The following ABLIM2 variants were observed in gnomAD, a reference collection of about 807,000 sequenced individuals.
ABLIM2 encodes actin-binding LIM protein 2.
Under a neutral mutation model 97.7 loss-of-function variants are expected in ABLIM2, and 53 were observed. The observed-to-expected ratio is 0.54, with a 90% CI of 0.44 to 0.68. The LOEUF is 0.68. ABLIM2 is among the 30% of genes least tolerant of loss of function. The probability of loss-of-function intolerance (pLI) is 0.00; values close to 1 mark genes in which losing one functional copy is unlikely to be tolerated. For synonymous variants in ABLIM2, 361 were observed against 345.8 expected (o/e 1.04, Z -0.49); for missense variants, 835 against 867.2 (o/e 0.96, Z 0.47).
rs1272812852 is a variant in ABLIM2 at position 8,054,979 on chromosome 4, TG to T, written c.764-734del. Among the ~76,000 whole-genome samples the T allele has an allele frequency of 1.3e-5, 2 of 151,788 alleles. No individual in the cohort carries two copies. Among genetic ancestry groups the T allele is most frequent in the Admixed American group, 1.3e-4 (2 of 15,254 alleles). The stretch of plus-strand genomic sequence containing the variant: ...CATAACAAGGCCACCCGGCACCAAG[TG>T]CCCCCAGCATCCCTGGCACTCTGGT... On this transcript the variant is annotated intron_variant, in intron 7 of 20. Coordinates refer to ENST00000447017, the MANE Select transcript of ABLIM2 (RefSeq NM_001130083.2). The surrounding 1 kb of genome is among the most constrained non-coding windows in gnomAD (Gnocchi z 4.9).
rs370446201 is a variant in ABLIM2 at position 8,032,747 on chromosome 4, C to T, written c.1048-2971G>A. On this transcript the variant is annotated intron_variant, in intron 10 of 20. Transcript: ENST00000447017. This position sits in a 1 kb window ranked among gnomAD's most constrained non-coding sequence, Gnocchi z 4.3. ...AGGCAGAGAGGGAGGAGGGCAGTTC[C>T]GTGACTGGCAGGCAACACAGGCGCA... 332 of 1,573,518 alleles carry T rather than the reference C, an allele frequency of 2.1e-4. No individual in the cohort carries two copies. In the African/African-American group the frequency reaches 2.1e-3, roughly 10 times the overall value.
intron 17 of ABLIM2, among the ~76,000 whole-genome samples, chr4:7,985,201 G>T (rs1484898447): frequency 6.6e-6 from 1 of 152,196 alleles, no homozygotes; most frequent in South Asian, 2.1e-4. Flanking sequence ...CTGCTCCCAG[G>T]TGCCTGAGTT....
chr4:8,150,303 T>A lies in ABLIM2; in HGVS notation c.10+8377A>T, dbSNP rs538244345. On this transcript the variant is annotated intron_variant, in intron 1 of 20. Transcript: ENST00000447017. This position sits in a 1 kb window ranked among gnomAD's most constrained non-coding sequence, Gnocchi z 6.3. ...GTCTTATGGAATGACGGCAGACAGA[T>A]GAGGAGGCCATGCTGAACTGGGGAC... Among the ~76,000 whole-genome samples, 1 of 152,292 alleles carries A rather than the reference T, an allele frequency of 6.6e-6. No individual in the cohort carries two copies. The highest frequency in any genetic ancestry group is 1.9e-4 in the East Asian group (1 of 5,178).
At chr4:8,007,302 G>C in intron 16 of ABLIM2, 1 of 985,288 alleles carries the variant, frequency 1.0e-6, no homozygotes, top group Non-Finnish European at 1.2e-6. Context: ...TTGAACTTGG[G>C]ACTGCCTCAC....
At position 7,982,421 on chromosome 4, in the gene ABLIM2, C is replaced by T. The variant is rs540347683; in HGVS notation, c.1824+843G>A. Among the ~76,000 whole-genome samples the T allele has an allele frequency of 7.9e-5, 12 of 152,332 alleles. No homozygotes were observed. In the South Asian group the frequency reaches 1.0e-3, roughly 13 times the overall value. On this transcript the variant is annotated intron_variant, in intron 20 of 20. Coordinates refer to ENST00000447017, the MANE Select transcript of ABLIM2 (RefSeq NM_001130083.2). ...GACAGGGCTCAGGAGATGAAACCCC[C>T]GGGCTGGATGCTGGGACACCGTAGG...
At chr4:8,038,045 ACT>A (rs1186021510) in intron 9 of ABLIM2, among the ~76,000 whole-genome samples, 2 of 151,902 alleles carry the variant, frequency 1.3e-5, no homozygotes, top group East Asian at 3.9e-4. Flanking sequence ...GCCACAGGTG[ACT>A]CTGGTGGAGA....
chr4:8,013,207 T>A (rs1430168873), intron 14 of ABLIM2, among the ~76,000 whole-genome samples: 1 of 147,078 alleles, frequency 6.8e-6, no homozygotes, highest in Non-Finnish European at 1.5e-5. Flanking sequence ...GTGGTCTGGA[T>A]AAACATTTTT....
chr4:8,077,664 G>GTCACAGCTC lies in ABLIM2; in HGVS notation c.638_639insGAGCTGTGA (p.Cys212_Asp213insGluSerCys). ...GCCCCGTGATGTATTTCTCACAGCT[G>GTCACAGCTC]TCACAGCGGATGCCGAACTTGGCGT... is the stretch of plus-strand genomic sequence containing the variant. On this transcript the variant is annotated inframe_insertion, in exon 6 of 21. Transcript: ENST00000447017. 1 of 1,613,070 alleles carries GTCACAGCTC rather than the reference G, an allele frequency of 6.2e-7. No individual in the cohort carries two copies. Among genetic ancestry groups the GTCACAGCTC allele is most frequent in the Non-Finnish European group, 8.5e-7 (1 of 1,179,510 alleles).
chr4:8,108,197 G>A (rs79382883), intron 1 of ABLIM2, among the ~76,000 whole-genome samples: 2,793 of 152,336 alleles, frequency 0.018, 89 homozygotes, highest in African/African-American at 0.062. Flanking sequence ...CAGGGGCAGA[G>A]GCACCAAGCC....
chr4:8,027,043 C>T (rs1026641952), intron 12 of ABLIM2, among the ~76,000 whole-genome samples: 3 of 152,156 alleles, frequency 2.0e-5, no homozygotes, highest in Non-Finnish European at 4.4e-5. Flanking sequence ...GGCGTCTCTT[C>T]TCTTCTTATA....
At chr4:8,158,373 C>T (rs1414824671) in intron 1 of ABLIM2, among the ~76,000 whole-genome samples, 2 of 152,290 alleles carry the variant, frequency 1.3e-5, no homozygotes, top group South Asian at 2.1e-4. Flanking sequence ...CTTTCTGCAG[C>T]CTGGAACAAC....
rs2151982091 is a variant in ABLIM2, at chr4:8,054,707, G to C, written c.764-461C>G. Among the ~76,000 whole-genome samples the C allele has an allele frequency of 6.6e-6, 1 of 152,324 alleles. No individual in the cohort carries two copies. The highest frequency in any genetic ancestry group is 1.9e-4 in the East Asian group (1 of 5,180). ...TGCAACCTGGGTGGGAGCCAGCCTT[G>C]GGGAGGAGGACTTGCAGGGCAGGGC... On this transcript the variant is annotated intron_variant, in intron 7 of 20. Coordinates refer to ENST00000447017, the MANE Select transcript of ABLIM2 (RefSeq NM_001130083.2). This position sits in a 1 kb window ranked among gnomAD's most constrained non-coding sequence, Gnocchi z 4.9.
At chr4:8,151,664 G>A (rs1023009233) in intron 1 of ABLIM2, among the ~76,000 whole-genome samples, 1 of 152,162 alleles carries the variant, frequency 6.6e-6, no homozygotes, top group African/African-American at 2.4e-5. Context: ...AAGCAGGGTT[G>A]TACCCCGAGG....
chr4:8,075,405 T>C lies in ABLIM2; in HGVS notation c.675+2223A>G, dbSNP rs1191065727. On this transcript the variant is annotated intron_variant, in intron 6 of 20. Transcript: ENST00000447017. This position sits in a 1 kb window ranked among gnomAD's most constrained non-coding sequence, Gnocchi z 4.4. The stretch of plus-strand genomic sequence containing the variant: ...TATGGTTATTGATAAAGAAAACCAT[T>C]GAATGGGCTGGGTATGGTGACTCAC... Among the ~76,000 whole-genome samples, 1 of 152,118 alleles carries C rather than the reference T, an allele frequency of 6.6e-6. No individual in the cohort carries two copies. The highest frequency in any genetic ancestry group is 1.5e-5 in the Non-Finnish European group (1 of 68,020).
At chr4:8,037,853 G>T (rs1785552064) in intron 9 of ABLIM2, among the ~76,000 whole-genome samples, 2 of 152,226 alleles carry the variant, frequency 1.3e-5, no homozygotes, top group African/African-American at 4.8e-5. Context: ...ATGAATGCGG[G>T]ACGCTGGGAG....
intron 16 of ABLIM2, among the ~76,000 whole-genome samples, chr4:7,993,778 G>A (rs1300675675): frequency 6.6e-6 from 1 of 152,222 alleles, no homozygotes; most frequent in Non-Finnish European, 1.5e-5. Flanking sequence ...GGGCTGGTCT[G>A]AGACAATGAA....
chr4:8,021,699 G>C lies in ABLIM2; in HGVS notation c.1268-1396C>G, dbSNP rs1773865544. Reference sequence around the variant, plus strand: ...CCAGAGGGGGCTCTTGCCTGGTGGTGGGCTGCATGCAGCGGGAGGTCACCT... The same window carrying C: ...CCAGAGGGGGCTCTTGCCTGGTGGTCGGCTGCATGCAGCGGGAGGTCACCT... On this transcript the variant is annotated intron_variant, in intron 12 of 20. Coordinates refer to ENST00000447017, the MANE Select transcript of ABLIM2 (RefSeq NM_001130083.2). The surrounding 1 kb of genome is among the most constrained non-coding windows in gnomAD (Gnocchi z 5.5). Among the ~76,000 whole-genome samples the C allele has an allele frequency of 6.6e-6, 1 of 152,262 alleles. No individual in the cohort carries two copies. Among genetic ancestry groups the C allele is most frequent in the Admixed American group, 6.5e-5 (1 of 15,292 alleles).
intron 6 of ABLIM2, among the ~76,000 whole-genome samples, chr4:8,064,702 C>T (rs965267265): frequency 2.6e-5 from 4 of 152,050 alleles, no homozygotes; most frequent in Non-Finnish European, 5.9e-5. Flanking sequence ...GAGAACAGGC[C>T]CCAGGTTTAG....
chr4:8,041,461 T>C (rs981519192), intron 9 of ABLIM2: 3 of 152,262 alleles, frequency 2.0e-5, no homozygotes, highest in Non-Finnish European at 2.9e-5. Context: ...CGGAGACCTG[T>C]GGGCTCCAAG....
Sources: gnomAD v4.1 joint callset for allele counts (sites outside exome capture counted in the v4.1 genomes callset) on GRCh38, gnomAD v4.1.1 for gene constraint, Gnocchi (gnomAD v3.1) non-coding constraint, MANE v1.5 for transcripts, NCBI Gene and HGNC (gene_info 2026-07-23, HGNC 2026-07-21) for gene names.